The following HOXD3 variants were observed in gnomAD, a reference collection of about 807,000 sequenced individuals.
HOXD3 encodes the protein homeobox protein Hox-D3.
A neutral mutation model predicts 32.8 loss-of-function variants in HOXD3; 13 were observed. The ratio of observed to expected loss-of-function variants is 0.40; its 90% CI spans 0.26 to 0.63. HOXD3 has a LOEUF of 0.63. Among genes scored for constraint, HOXD3 ranks in the 20% least tolerant of loss-of-function variants. HOXD3 has a pLI of 0.44. For synonymous variants in HOXD3, 241 were observed against 246.8 expected (o/e 0.98, Z 0.22); for missense variants, 504 against 577.1 (o/e 0.87, Z 1.30).
Position 176,169,251 on chromosome 2 carries a change from C to T in HOXD3, c.137C>T (p.Pro46Leu). ...ACGGACACTTACGGCTACAGCACCCCCCACCAGCCCTACCCACCCCCTGCT... is the reference window on the plus strand; with the variant it reads ...ACGGACACTTACGGCTACAGCACCCTCCACCAGCCCTACCCACCCCCTGCT... ...KTTDTYGYST[P>L]HQPYPPPAAA... is the part of the protein sequence containing the mutation. Residue 46 changes from proline to leucine, a missense_variant, in exon 3 of 4, where the codon CCC (proline) becomes CTC (leucine). Around this residue, in one of 3 missense-constraint regions of HOXD3, gnomAD observed 181 missense variants for 172.2 expected, o/e 1.05. Coordinates refer to ENST00000683222, the MANE Select transcript of HOXD3 (RefSeq NM_006898.5). The T allele has an allele frequency of 6.2e-7, 1 of 1,614,054 alleles. No homozygotes were observed. Among genetic ancestry groups the T allele is most frequent in the Middle Eastern group, 1.6e-4 (1 of 6,062 alleles).
chr2:176,152,811 C>A (rs568326534), upstream of HOXD3: 28 of 1,614,216 alleles, frequency 1.7e-5, no homozygotes, highest in African/African-American at 3.2e-4. This position sits in a 1 kb window ranked among gnomAD's most constrained non-coding sequence, Gnocchi z 5.2. Context: ...GAAAAAAGAT[C>A]ATAAGCTGCC....
intron 2 of HOXD3, among the ~76,000 whole-genome samples, chr2:176,166,389 TTGTA>T (rs1463457795): frequency 1.3e-5 from 2 of 152,212 alleles, no homozygotes; most frequent in Non-Finnish European, 2.9e-5. Flanking sequence ...GCTTCCACAG[TTGTA>T]AATGGAATGA....
intron 2 of HOXD3, chr2:176,165,783 C>T (rs1408464707): frequency 6.6e-6 from 1 of 151,596 alleles, no homozygotes; most frequent in African/African-American, 2.4e-5. Context: ...TCTTGGAGCC[C>T]AAATGAGCAA....
At chr2:176,158,640 G>T (rs1246348836) in intron 1 of HOXD3, among the ~76,000 whole-genome samples, 2 of 152,054 alleles carry the variant, frequency 1.3e-5, no homozygotes, top group Non-Finnish European at 2.9e-5. Context: ...ATATTTCCCC[G>T]TCAGGACAGA....
intron 3 of HOXD3, among the ~76,000 whole-genome samples, chr2:176,170,757 G>C (rs1444449123): frequency 3.3e-5 from 5 of 152,182 alleles, no homozygotes; most frequent in Non-Finnish European, 1.5e-5. Context: ...AAATCCATTT[G>C]TCTTCCCTGG....
intron 1 of HOXD3, among the ~76,000 whole-genome samples, chr2:176,160,017 T>G (rs917532580): frequency 6.6e-6 from 1 of 152,146 alleles, no homozygotes; most frequent in African/African-American, 2.4e-5. Context: ...GTCTCAGAAG[T>G]GGCGGTGACT....
intron 3 of HOXD3, among the ~76,000 whole-genome samples, chr2:176,169,878 T>C (rs1691116311): frequency 6.6e-6 from 1 of 152,164 alleles, no homozygotes; most frequent in African/African-American, 2.4e-5. Context: ...ACAGGTCTTA[T>C]AGCTATTAAT....
At chr2:176,156,677 C>A (rs1342651555), upstream of HOXD3, among the ~76,000 whole-genome samples, 1 of 152,104 alleles carries the variant, frequency 6.6e-6, no homozygotes, top group East Asian at 1.9e-4. Context: ...CCTCAGGCAA[C>A]AATAAACACT....
chr2:176,161,131 C>T (rs985694844), intron 1 of HOXD3: 2 of 152,208 alleles, frequency 1.3e-5, no homozygotes, highest in African/African-American at 4.8e-5. Context: ...GGCTGCTTGC[C>T]GCCCTGAGCG....
At chr2:176,156,897 GT>G (rs1231349998), upstream of HOXD3, among the ~76,000 whole-genome samples, 1 of 152,202 alleles carries the variant, frequency 6.6e-6, no homozygotes, top group African/African-American at 2.4e-5. Context: ...GTATTTATAA[GT>G]GCGCAGGCAG....
upstream of HOXD3, chr2:176,152,569 G>C (rs1489661303): frequency 3.2e-6 from 5 of 1,557,200 alleles, no homozygotes; most frequent in Non-Finnish European, 4.4e-6. The surrounding 1 kb of genome is among the most constrained non-coding windows in gnomAD (Gnocchi z 5.2). Context: ...ACTAGTGGCC[G>C]GGCGCTGACC....
intron 2 of HOXD3, chr2:176,165,643 T>C: frequency 6.6e-6 from 1 of 152,284 alleles, no homozygotes; most frequent in Non-Finnish European, 1.5e-5. Flanking sequence ...CCTGGCCAGT[T>C]CCCCGGGCTA....
At chr2:176,159,349 C>G (rs1477540979) in intron 1 of HOXD3, among the ~76,000 whole-genome samples, 1 of 152,142 alleles carries the variant, frequency 6.6e-6, no homozygotes, top group East Asian at 1.9e-4. Flanking sequence ...TCTGGGGGCT[C>G]GGGCCTCCAG....
At chr2:176,159,607 A>G (rs1273963934) in intron 1 of HOXD3, among the ~76,000 whole-genome samples, 7 of 152,234 alleles carry the variant, frequency 4.6e-5, no homozygotes, top group Admixed American at 3.3e-4. Flanking sequence ...GGCGCTCATT[A>G]CAGGCCAGGA....
At chr2:176,168,712 C>T (rs896636631) in intron 2 of HOXD3, among the ~76,000 whole-genome samples, 1 of 152,116 alleles carries the variant, frequency 6.6e-6, no homozygotes, top group African/African-American at 2.4e-5. Context: ...TCTGAAATAG[C>T]TATTAATACT....
chr2:176,158,029 C>T (rs1690686394), intron 1 of HOXD3, among the ~76,000 whole-genome samples: 1 of 152,190 alleles, frequency 6.6e-6, no homozygotes, highest in South Asian at 2.1e-4. Context: ...AAATTTTACC[C>T]CAGGCAGGTT....
intron 1 of HOXD3, among the ~76,000 whole-genome samples, chr2:176,160,273 C>A (rs1475239771): frequency 6.6e-6 from 1 of 152,202 alleles, no homozygotes; most frequent in Non-Finnish European, 1.5e-5. Context: ...ACGGCAGTCT[C>A]CAGAGACGCT....
chr2:176,153,852 G>A (rs547712521), upstream of HOXD3, among the ~76,000 whole-genome samples: 1 of 152,110 alleles, frequency 6.6e-6, no homozygotes, highest in African/African-American at 2.4e-5. Context: ...ACCAACAAAT[G>A]GTCCAACATT....
intron 2 of HOXD3, among the ~76,000 whole-genome samples, chr2:176,168,022 G>A (rs1691036374): frequency 6.6e-6 from 1 of 152,144 alleles, no homozygotes; most frequent in Non-Finnish European, 1.5e-5. Context: ...GTATCTGGAG[G>A]TAGAGGGAAG....
Sources: allele counts gnomAD v4.1 joint callset (sites outside exome capture counted in the v4.1 genomes callset), GRCh38; gene constraint gnomAD v4.1.1; regional missense constraint gnomAD v4.1.1; non-coding constraint Gnocchi (gnomAD v3.1); transcripts MANE v1.5; gene names NCBI Gene and HGNC (gene_info 2026-07-23, HGNC 2026-07-21).